Variants in C12orf42 observed in about 807,000 individuals in gnomAD.
C12orf42 encodes chromosome 12 open reading frame 42.
Under a neutral mutation model 21.6 loss-of-function variants are expected in C12orf42, and 25 were observed. The observed-to-expected ratio is 1.16, with a 90% confidence interval of 0.84 to 1.62. The LOEUF (loss-of-function observed/expected upper bound fraction) is 1.62. C12orf42 is among the 40% of genes most tolerant of loss of function. The pLI, the probability that C12orf42 is intolerant of heterozygous loss-of-function variation, is 0.00. For synonymous variants in C12orf42, 174 were observed against 175.0 expected (o/e 0.99, Z 0.05); for missense variants, 483 against 459.3 (o/e 1.05, Z -0.47).
At chr12:103,184,399 C>G in the C12orf42 span, among the ~76,000 whole-genome samples, 1 of 152,074 alleles carries the variant, frequency 6.6e-6, no homozygotes, top group South Asian at 2.1e-4. Flanking sequence ...CATGGTATAT[C>G]TTTTTCCATC....
chr12:103,379,460 T>A (rs929501104), intron 3 of C12orf42, among the ~76,000 whole-genome samples: 2 of 147,996 alleles, frequency 1.4e-5, no homozygotes, highest in African/African-American at 5.3e-5. Context: ...GAAAAAAAAA[T>A]ACTAACTTGG....
chr12:103,092,756 C>T, the C12orf42 span, among the ~76,000 whole-genome samples: 1 of 152,198 alleles, frequency 6.6e-6, no homozygotes, highest in Admixed American at 6.5e-5. Context: ...GAGATAATCA[C>T]ATATAGAAAT....
the C12orf42 span, among the ~76,000 whole-genome samples, chr12:103,150,724 T>G: frequency 6.6e-6 from 1 of 152,178 alleles, no homozygotes; most frequent in East Asian, 1.9e-4. Context: ...GAAAATTCAC[T>G]TATGGATCAG....
intron 4 of C12orf42, among the ~76,000 whole-genome samples, chr12:103,334,100 GTTTC>G (rs1266231690): frequency 6.6e-6 from 1 of 152,086 alleles, no homozygotes; most frequent in Non-Finnish European, 1.5e-5. Context: ...TTTCCATATT[GTTTC>G]TTTTGGGACA....
chr12:103,248,376 G>A (rs921609501), intron 10 of C12orf42, among the ~76,000 whole-genome samples: 1 of 151,956 alleles, frequency 6.6e-6, no homozygotes, highest in Non-Finnish European at 1.5e-5. Flanking sequence ...CGATAGTAAA[G>A]TACTCAAAAT....
the C12orf42 span, among the ~76,000 whole-genome samples, chr12:103,522,431 C>A: frequency 1.3e-5 from 2 of 152,194 alleles, no homozygotes; most frequent in Admixed American, 1.3e-4. Flanking sequence ...CCGGCCCTCT[C>A]TGTAACACCA....
intron 1 of C12orf42, among the ~76,000 whole-genome samples, chr12:103,487,190 T>C (rs1363064826): frequency 2.0e-5 from 3 of 152,216 alleles, no homozygotes; most frequent in Non-Finnish European, 4.4e-5. Context: ...ACATCTTTAT[T>C]TCTGCCTTCA....
chr12:103,263,913 C>T (rs2035035869), downstream of C12orf42, among the ~76,000 whole-genome samples: 1 of 152,158 alleles, frequency 6.6e-6, no homozygotes, highest in African/African-American at 2.4e-5. Flanking sequence ...TGGAACCTGG[C>T]TGATGTCTGG....
the C12orf42 span, among the ~76,000 whole-genome samples, chr12:103,060,210 G>A: frequency 3.3e-5 from 5 of 152,248 alleles, no homozygotes; most frequent in African/African-American, 1.2e-4. Context: ...CAAATCATGA[G>A]TGAACTCCTA....
At chr12:103,144,354 G>A in the C12orf42 span, among the ~76,000 whole-genome samples, 1 of 152,238 alleles carries the variant, frequency 6.6e-6, no homozygotes, top group Non-Finnish European at 1.5e-5. Flanking sequence ...AACCTTGGCT[G>A]TGAATACAAA....
At chr12:103,465,897 G>C (rs757553524) in intron 2 of C12orf42, among the ~76,000 whole-genome samples, 1 of 152,176 alleles carries the variant, frequency 6.6e-6, no homozygotes, top group African/African-American at 2.4e-5. Context: ...AATGAATTAT[G>C]TATATTGATT....
chr12:103,195,777 C>G, the C12orf42 span, among the ~76,000 whole-genome samples: 2 of 152,056 alleles, frequency 1.3e-5, no homozygotes, highest in African/African-American at 4.8e-5. Context: ...TGTGCAGAAG[C>G]TCTTTAGTTT....
chr12:103,442,617 C>T (rs562808242), intron 2 of C12orf42, among the ~76,000 whole-genome samples: 4 of 152,174 alleles, frequency 2.6e-5, no homozygotes, highest in Non-Finnish European at 5.9e-5. Flanking sequence ...TCCTGATATA[C>T]ACTGCATTAT....
chr12:103,523,728 G>A, the C12orf42 span, among the ~76,000 whole-genome samples: 1 of 151,376 alleles, frequency 6.6e-6, no homozygotes, highest in Non-Finnish European at 1.5e-5. Flanking sequence ...AACAGGTGTT[G>A]TAGAGCTTTT....
chr12:103,280,184 G>C (rs1232365654), intron 4 of C12orf42, among the ~76,000 whole-genome samples: 1 of 152,170 alleles, frequency 6.6e-6, no homozygotes, highest in African/African-American at 2.4e-5. Flanking sequence ...TGTAGGCAAG[G>C]AACCAGAGGC....
chr12:103,519,971 C>T, the C12orf42 span, among the ~76,000 whole-genome samples: 52 of 152,262 alleles, frequency 3.4e-4, no homozygotes, highest in African/African-American at 1.1e-3. Flanking sequence ...GATGATGGAA[C>T]GAGATGGGCA....
rs777858302 is a variant in C12orf42 at position 103,302,100 on chromosome 12, C to T, written c.*8G>A. 3.1e-6 allele frequency: 5 copies of T among 1,605,646 alleles called. No homozygotes were observed. The highest frequency in any genetic ancestry group is 3.4e-6 in the Non-Finnish European group (4 of 1,176,146). On this transcript the variant is annotated 3_prime_UTR_variant, in exon 6 of 6. Transcript: ENST00000548883. Reference sequence around the variant, plus strand: ...GGCAGCACTCGCCGAACAATTCCCTCGCAGCGGTCAATGTAAGTGAGCATT... The same window carrying T: ...GGCAGCACTCGCCGAACAATTCCCTTGCAGCGGTCAATGTAAGTGAGCATT...
chr12:103,251,722 T>C (rs1345163058), intron 10 of C12orf42, among the ~76,000 whole-genome samples: 1 of 152,158 alleles, frequency 6.6e-6, no homozygotes, highest in Non-Finnish European at 1.5e-5. Flanking sequence ...ACATTTACAG[T>C]GTTTCATAAT....
chr12:103,342,420 C>T (rs961548726), intron 4 of C12orf42, among the ~76,000 whole-genome samples: 4 of 151,980 alleles, frequency 2.6e-5, no homozygotes, highest in South Asian at 4.2e-4. Context: ...TGGAGAAAAA[C>T]GAATATGCAT....
Sources: gnomAD v4.1 joint callset for allele counts (sites outside exome capture counted in the v4.1 genomes callset) on GRCh38, gnomAD v4.1.1 for gene constraint, MANE v1.5 for transcripts, NCBI Gene and HGNC (gene_info 2026-07-23, HGNC 2026-07-21) for gene names.